DCC: variants seen among roughly 807,000 people sequenced by gnomAD.
DCC encodes the protein netrin receptor DCC.
DCC carries 58 observed loss-of-function variants against 172.5 expected under a neutral mutation model. The observed-to-expected ratio is 0.34, with a 90% confidence interval of 0.27 to 0.42. DCC has a LOEUF of 0.42. Among genes scored for constraint, DCC ranks in the 10% least tolerant of loss-of-function variants. The pLI is 1.00. For synonymous variants in DCC, 709 were observed against 644.5 expected (o/e 1.10, Z -1.52); for missense variants, 1,740 against 1,791.0 (o/e 0.97, Z 0.51).
At chr18:53,363,473 G>A (rs920107430) in intron 15 of DCC, among the ~76,000 whole-genome samples, 1 of 152,164 alleles carries the variant, frequency 6.6e-6, no homozygotes, top group African/African-American at 2.4e-5. Flanking sequence ...ATACTCAGAA[G>A]AATAAAGGTA....
intron 7 of DCC, among the ~76,000 whole-genome samples, chr18:53,123,009 C>T (rs975582865): frequency 2.0e-5 from 3 of 152,000 alleles, no homozygotes; most frequent in Non-Finnish European, 4.4e-5. Flanking sequence ...GCTTTAACTC[C>T]TATGCTGGAC....
chr18:53,441,216 TAAATC>T (rs1167054117), intron 22 of DCC, among the ~76,000 whole-genome samples: 1 of 152,248 alleles, frequency 6.6e-6, no homozygotes, highest in African/African-American at 2.4e-5. Flanking sequence ...AGAAAATAAA[TAAATC>T]AAGTGTCCCA....
intron 15 of DCC, among the ~76,000 whole-genome samples, chr18:53,362,115 C>T (rs1428299735): frequency 6.6e-6 from 1 of 152,030 alleles, no homozygotes; most frequent in Non-Finnish European, 1.5e-5. Context: ...TCAACTGTTA[C>T]TTTCTATTTT....
intron 1 of DCC, among the ~76,000 whole-genome samples, chr18:52,684,657 A>G (rs954196548): frequency 6.6e-6 from 1 of 152,018 alleles, no homozygotes; most frequent in Non-Finnish European, 1.5e-5. Flanking sequence ...CATCCATCTG[A>G]CTGCTGCTGG....
At chr18:53,264,948 G>T (rs1020285431) in intron 12 of DCC, among the ~76,000 whole-genome samples, 2 of 152,178 alleles carry the variant, frequency 1.3e-5, no homozygotes, top group African/African-American at 2.4e-5. Flanking sequence ...TTTGCTTTTG[G>T]ACTTCTTGTT....
At chr18:53,005,262 G>A (rs1397217993) in intron 5 of DCC, among the ~76,000 whole-genome samples, 1 of 152,098 alleles carries the variant, frequency 6.6e-6, no homozygotes, top group Admixed American at 6.6e-5. Flanking sequence ...CTATTTAACT[G>A]AAGAATTCAA....
intron 1 of DCC, among the ~76,000 whole-genome samples, chr18:52,583,601 C>T (rs1671269): frequency 0.63 from 95,874 of 151,922 alleles, 31,674 homozygotes; most frequent in Non-Finnish European, 0.75. Context: ...CTTTTCTTGG[C>T]AAAGTTTATT....
chr18:52,720,412 G>A (rs893699026), intron 1 of DCC, among the ~76,000 whole-genome samples: 1 of 152,186 alleles, frequency 6.6e-6, no homozygotes, highest in African/African-American at 2.4e-5. Flanking sequence ...AGATGAGCAT[G>A]TGCTAACATG....
intron 1 of DCC, among the ~76,000 whole-genome samples, chr18:52,425,907 A>G (rs1987408544): frequency 6.6e-6 from 1 of 152,150 alleles, no homozygotes; most frequent in African/African-American, 2.4e-5. Context: ...ATGCACATAC[A>G]TTACAGTCAA....
chr18:52,794,740 T>C (rs2145213530), intron 2 of DCC, among the ~76,000 whole-genome samples: 1 of 152,236 alleles, frequency 6.6e-6, no homozygotes, highest in Non-Finnish European at 1.5e-5. Flanking sequence ...CAACTTTTTT[T>C]CCATTAAGTA....
chr18:52,438,593 G>A (rs1052048844), intron 1 of DCC, among the ~76,000 whole-genome samples: 3 of 152,104 alleles, frequency 2.0e-5, no homozygotes, highest in Admixed American at 6.5e-5. Context: ...TTATATTTGA[G>A]CACTTATATA....
intron 7 of DCC, among the ~76,000 whole-genome samples, chr18:53,142,110 G>T (rs981286844): frequency 6.6e-6 from 1 of 152,188 alleles, no homozygotes; most frequent in African/African-American, 2.4e-5. Flanking sequence ...TGTTACCTAA[G>T]TTGAAAAATG....
intron 1 of DCC, among the ~76,000 whole-genome samples, chr18:52,678,368 T>C (rs566598684): frequency 1.1e-4 from 16 of 152,296 alleles, no homozygotes; most frequent in Admixed American, 4.6e-4. Flanking sequence ...TCCTGAGCCC[T>C]GTGGGTTTTG....
At chr18:52,652,230 G>C (rs2144926275) in intron 1 of DCC, among the ~76,000 whole-genome samples, 1 of 152,266 alleles carries the variant, frequency 6.6e-6, no homozygotes, top group East Asian at 1.9e-4. Flanking sequence ...GGAGCTGACA[G>C]CATCCACACT....
intron 1 of DCC, among the ~76,000 whole-genome samples, chr18:52,578,582 C>T (rs1839071561): frequency 6.6e-6 from 1 of 152,134 alleles, no homozygotes; most frequent in Non-Finnish European, 1.5e-5. Flanking sequence ...TTCTTTTTAG[C>T]ATCCTTTATT....
At chr18:53,230,585 A>G (rs2056105268) in intron 12 of DCC, among the ~76,000 whole-genome samples, 1 of 152,060 alleles carries the variant, frequency 6.6e-6, no homozygotes, top group Admixed American at 6.6e-5. Context: ...ATTCCTTAAG[A>G]AGCCTTATTT....
chr18:53,215,525 A>G, intron 11 of DCC, 23 bp from the exon 12 acceptor site: 1 of 1,609,680 alleles, frequency 6.2e-7, no homozygotes, highest in South Asian at 1.1e-5. Flanking sequence ...AGTAACTGTG[A>G]CAATTTGTTT....
intron 14 of DCC, among the ~76,000 whole-genome samples, chr18:53,327,164 A>C (rs2057476783): frequency 6.6e-6 from 1 of 152,190 alleles, no homozygotes; most frequent in African/African-American, 2.4e-5. Context: ...GTCCTCTTGG[A>C]TTGCCCTTTT....
chr18:53,376,873 G>C (rs1305076277), intron 15 of DCC, among the ~76,000 whole-genome samples: 1 of 151,572 alleles, frequency 6.6e-6, no homozygotes, highest in Non-Finnish European at 1.5e-5. Context: ...TTTCTTCATT[G>C]AGTAACAAAT....
Sources: gnomAD v4.1 joint callset for allele counts (sites outside exome capture counted in the v4.1 genomes callset) on GRCh38, gnomAD v4.1.1 for gene constraint, MANE v1.5 for transcripts, NCBI Gene and HGNC (gene_info 2026-07-23, HGNC 2026-07-21) for gene names.